Variants in ATP2A1 observed in about 807,000 individuals in gnomAD.
ATP2A1 encodes ATPase sarcoplasmic/endoplasmic reticulum Ca2+ transporting 1.
ATP2A1 carries 83 observed loss-of-function variants against 109.5 expected under a neutral mutation model. The ratio of observed to expected loss-of-function variants is 0.76; its 90% CI spans 0.63 to 0.91. The LOEUF is 0.91. Ranked by LOEUF, ATP2A1 falls within the 40% of genes least tolerant of loss-of-function variation. ATP2A1 has a pLI of 0.00. For missense variants in ATP2A1, 1,101 were observed against 1,341.0 expected, an observed-to-expected ratio of 0.82 and a Z score of 2.80; for synonymous variants, 505 against 537.6, an observed-to-expected ratio of 0.94 and a Z score of 0.84.
chr16:28,904,359 C>T lies in ATP2A1; in HGVS notation c.*217C>T. The T allele has an allele frequency of 3.2e-6, 5 of 1,542,988 alleles. No individual in the cohort carries two copies. The South Asian group carries it at 4.7e-5, about 15-fold the overall frequency. On this transcript the variant is annotated 3_prime_UTR_variant, in exon 23 of 23. Transcript: ENST00000395503. ...CCTTCCCCCTCGGCCACCCGCCTCC[C>T]TCTCAACCTTGTAAATTCCCCTTCC...
At chr16:28,887,800 T>C in intron 8 of ATP2A1, 78 bp downstream of exon 8, 1 of 1,553,146 alleles carries the variant, frequency 6.4e-7, no homozygotes, top group Non-Finnish European at 8.8e-7. Flanking sequence ...TTCTTTTCTT[T>C]TTTTCTTTTT....
In ATP2A1 at chr16:28,894,561, C is replaced by A; in HGVS notation, c.1241C>A (p.Ala414Asp). 6.2e-7 allele frequency: 1 copy of A among 1,614,110 alleles called. No individual in the cohort carries two copies. The highest frequency in any genetic ancestry group is 8.5e-7 in the Non-Finnish European group (1 of 1,180,026). The change falls in exon 11 of 23, where the codon GCC (alanine) becomes GAC (aspartate). Residue 414 changes from alanine to aspartate, a missense_variant. Coordinates refer to ENST00000395503, the MANE Select transcript of ATP2A1 (RefSeq NM_004320.6). ...PGQYDGLVEL[A>D]TICALCNDSS... The stretch of plus-strand genomic sequence containing the variant: ...CAGTATGACGGGCTGGTGGAGCTGG[C>A]CACCATCTGTGCCCTCTGCAATGAC...
At position 28,879,482 on chromosome 16, in the gene ATP2A1, C is replaced by T. The variant is rs776235380; in HGVS notation, c.137-19C>T. 3.4e-5 allele frequency: 55 copies of T among 1,612,534 alleles called. No homozygotes were observed. Among genetic ancestry groups the T allele is most frequent in the Non-Finnish European group, 4.3e-5 (51 of 1,178,674 alleles). On this transcript the variant is annotated intron_variant, in intron 2 of 22. Coordinates refer to ENST00000395503, the MANE Select transcript of ATP2A1 (RefSeq NM_004320.6). The stretch of plus-strand genomic sequence containing the variant: ...CACTAGACCTTAACCCGGGGCCCTC[C>T]CCTTGCCTCCTCCCCCAGGGAAGAC...
At chr16:28,891,589 C>A (rs867504044) in intron 9 of ATP2A1, among the ~76,000 whole-genome samples, 361 of 72,476 alleles carry the variant, frequency 5.0e-3, no homozygotes, top group South Asian at 8.4e-3. Flanking sequence ...GACTCCGTCT[C>A]AAAAAAAAAA....
chr16:28,901,055 G>C, intron 15 of ATP2A1, 139 bp downstream of exon 15: 1 of 1,222,488 alleles, frequency 8.2e-7, no homozygotes, highest in South Asian at 1.3e-5. Flanking sequence ...GGAAGAGTCT[G>C]AAGGAGGATT....
intron 7 of ATP2A1, 26 bp downstream of exon 7, chr16:28,887,300 CA>C: frequency 6.2e-7 from 1 of 1,613,688 alleles, no homozygotes; most frequent in South Asian, 1.1e-5. Flanking sequence ...CCAGCCATCA[CA>C]CACTCAGTCA....
In ATP2A1 at chr16:28,903,564, C is replaced by T. The variant is rs545004149; in HGVS notation, c.2980+124C>T. On this transcript the variant is annotated intron_variant, in intron 21 of 22. Transcript: ENST00000395503. The surrounding 1 kb of genome is among the most constrained non-coding windows in gnomAD (Gnocchi z 5.6). ...TCTCAGCCCTGGCAGGACCTGTGTC[C>T]GCCCCGTTCCCCCTGCGCCTGCAGG... is the stretch of plus-strand genomic sequence containing the variant. 1.8e-4 allele frequency: 225 copies of T among 1,217,304 alleles called. No homozygotes were observed. Among genetic ancestry groups the T allele is most frequent in the East Asian group, 6.0e-4 (26 of 43,006 alleles). 75.4% of individuals were successfully genotyped at this position (1,217,304 alleles called of 1,614,324 possible). A position where few individuals can be genotyped will look rare whatever the true frequency, so the allele number is the denominator to read the frequency against.
intron 14 of ATP2A1, 52 bp from the exon 15 acceptor site, chr16:28,900,529 G>T: frequency 1.3e-6 from 2 of 1,498,920 alleles, no homozygotes; most frequent in Non-Finnish European, 1.8e-6. Context: ...TTCCTCCAGG[G>T]GAGTTTTCCA....
In ATP2A1 at chr16:28,902,262, C is replaced by A; in HGVS notation, c.2400C>A (p.Asp800Glu). The change falls in exon 17 of 23, where the codon GAC (aspartate) becomes GAA (glutamate). Residue 800 changes from aspartate (D) to glutamate (E), a missense_variant. By Grantham distance (45) the Asp-to-Glu change is conservative. Transcript: ENST00000395503. This position sits in a 1 kb window ranked among gnomAD's most constrained non-coding sequence, Gnocchi z 4.8. The part of the protein sequence containing the change: ...VQLLWVNLVT[D>E]GLPATALGFN... ...TGCTATGGGTGAACTTGGTGACCGA[C>A]GGGCTCCCAGCCACAGCCCTGGGCT... 1.2e-6 allele frequency: 2 copies of A among 1,614,132 alleles called. No homozygotes were observed. Among genetic ancestry groups the A allele is most frequent in the Non-Finnish European group, 1.7e-6 (2 of 1,180,014 alleles).
In ATP2A1 at chr16:28,888,831, C is replaced by T. The variant is rs759109980; in HGVS notation, c.973C>T (p.Arg325Trp). The T allele has an allele frequency of 3.7e-6, 6 of 1,613,850 alleles. No homozygotes were observed. Among genetic ancestry groups the T allele is most frequent in the East Asian group, 2.2e-5 (1 of 44,890 alleles). ...CACCTGCCTGGCCCTGGGTACCCGT[C>T]GGATGGCAAAGAAGAATGCCATTGT... ...ITTCLALGTRRMAKKNAIVRS... is the reference protein window; with the variant it reads ...ITTCLALGTRWMAKKNAIVRS... Residue 325 changes from arginine (R) to tryptophan (W), a missense_variant, in exon 9 of 23, where the codon CGG becomes TGG. Coordinates refer to ENST00000395503, the MANE Select transcript of ATP2A1 (RefSeq NM_004320.6).
chr16:28,894,255 A>G lies in ATP2A1; in HGVS notation c.1184+12A>G, dbSNP rs375336581. The G allele has an allele frequency of 4.5e-5, 72 of 1,611,722 alleles. No homozygotes were observed. Among genetic ancestry groups the G allele is most frequent in the Non-Finnish European group, 6.0e-5 (71 of 1,178,122 alleles). The stretch of plus-strand genomic sequence containing the variant: ...CCAGAGGGAGAGGTGTAAGTCACCC[A>G]GGCATCTTCTCCCCAGCTCCTCACG... On this transcript the variant is annotated intron_variant, in intron 10 of 22. Coordinates refer to ENST00000395503, the MANE Select transcript of ATP2A1 (RefSeq NM_004320.6).
At chr16:28,892,952 G>C (rs1963814204) in intron 9 of ATP2A1, among the ~76,000 whole-genome samples, 1 of 151,936 alleles carries the variant, frequency 6.6e-6, no homozygotes, top group South Asian at 2.1e-4. Flanking sequence ...GCTGAGGCAG[G>C]AGAATCACTT....
At position 28,902,156 on chromosome 16, in the gene ATP2A1, C is replaced by T. The variant is rs752889387; in HGVS notation, c.2322-28C>T. ...GTGGCTGCAGGTCTGGGAGGCAGGA[C>T]AGAGGTGTGACCACCTCCTTCCCAC... is the stretch of plus-strand genomic sequence containing the variant. On this transcript the variant is annotated intron_variant, in intron 16 of 22. Transcript: ENST00000395503. This position sits in a 1 kb window ranked among gnomAD's most constrained non-coding sequence, Gnocchi z 4.8. 2.5e-6 allele frequency: 4 copies of T among 1,613,702 alleles called. No homozygotes were observed. Among genetic ancestry groups the T allele is most frequent in the Non-Finnish European group, 3.4e-6 (4 of 1,179,576 alleles).
chr16:28,887,058 C>T, intron 6 of ATP2A1, 131 bp from the exon 7 acceptor site: 1 of 889,238 alleles, frequency 1.1e-6, no homozygotes, highest in South Asian at 1.4e-5. Context: ...TTCCAGAGTC[C>T]AGACATCCCC....
intron 6 of ATP2A1, 116 bp downstream of exon 6, chr16:28,884,771 C>A: frequency 2.9e-6 from 3 of 1,033,642 alleles, no homozygotes; most frequent in Admixed American, 2.7e-5. Context: ...CATAAAGAGA[C>A]CCTGTCTCTA....
At chr16:28,896,555 G>A (rs1327262987) in intron 12 of ATP2A1, among the ~76,000 whole-genome samples, 1 of 152,046 alleles carries the variant, frequency 6.6e-6, no homozygotes, top group Non-Finnish European at 1.5e-5. Flanking sequence ...TGAGATTACA[G>A]GCATGTGCCA....
Position 28,878,650 on chromosome 16 carries a change from C to T in ATP2A1, c.-22C>T, listed in dbSNP as rs75273069. ...CCCCCTGGAAGGAACACACCGGCCCCGGCCCCCAGGAAGGGAGCACAATGG... is the reference window on the plus strand; with the variant it reads ...CCCCCTGGAAGGAACACACCGGCCCTGGCCCCCAGGAAGGGAGCACAATGG... On this transcript the variant is annotated 5_prime_UTR_variant, in exon 1 of 23. Coordinates refer to ENST00000395503, the MANE Select transcript of ATP2A1 (RefSeq NM_004320.6). 9.8e-3 allele frequency: 15,457 copies of T among 1,572,948 alleles called. 1,335 individuals carry two copies. In the African/African-American group the frequency reaches 0.18, roughly 19 times the overall value.
At position 28,896,881 on chromosome 16, in the gene ATP2A1, C is replaced by T. The variant is rs577869996; in HGVS notation, c.1420-1119C>T. On this transcript the variant is annotated intron_variant, in intron 12 of 22. Transcript: ENST00000395503. ...GCTGATTTTGTATTTTTAGTAGAGA[C>T]GGGGTTTCTCCATGTTGGTTAAGCT... Among the ~76,000 whole-genome samples, 11 of 151,540 alleles carry T rather than the reference C, an allele frequency of 7.3e-5. 1 individual carries two copies. Among genetic ancestry groups the T allele is most frequent in the South Asian group, 6.3e-4 (3 of 4,786 alleles).
Position 28,878,641 on chromosome 16 carries a change from C to T in ATP2A1, c.-31C>T. On this transcript the variant is annotated 5_prime_UTR_variant, in exon 1 of 23. Coordinates refer to ENST00000395503, the MANE Select transcript of ATP2A1 (RefSeq NM_004320.6). ...GAGTGGGAACCCCCTGGAAGGAACACACCGGCCCCGGCCCCCAGGAAGGGA... is the reference window on the plus strand; with the variant it reads ...GAGTGGGAACCCCCTGGAAGGAACATACCGGCCCCGGCCCCCAGGAAGGGA... 6.4e-7 allele frequency: 1 copy of T among 1,560,578 alleles called. No individual in the cohort carries two copies. The highest frequency in any genetic ancestry group is 8.7e-7 in the Non-Finnish European group (1 of 1,147,540).
Sources: allele counts gnomAD v4.1 joint callset (sites outside exome capture counted in the v4.1 genomes callset), GRCh38; gene constraint gnomAD v4.1.1; non-coding constraint Gnocchi (gnomAD v3.1); transcripts MANE v1.5; gene names NCBI Gene and HGNC (gene_info 2026-07-23, HGNC 2026-07-21).